Variants in TYW1B observed in about 807,000 individuals in gnomAD.
TYW1B encodes S-adenosyl-L-methionine-dependent tRNA 4-demethylwyosine synthase TYW1B.
A neutral mutation model predicts 86.9 loss-of-function variants in TYW1B; 73 were observed. That is an observed-to-expected ratio of 0.84 (90% CI 0.70 to 1.02). The LOEUF (loss-of-function observed/expected upper bound fraction) is 1.02. TYW1B is among the 50% of genes least tolerant of loss of function. TYW1B has a pLI of 0.00. For missense variants in TYW1B, 637 were observed against 827.4 expected, an observed-to-expected ratio of 0.77 and a Z score of 2.82; for synonymous variants, 248 against 292.8, an observed-to-expected ratio of 0.85 and a Z score of 1.56.
intron 6 of TYW1B, among the ~76,000 whole-genome samples, chr7:72,783,785 G>C (rs1386833470): frequency 2.4e-4 from 37 of 152,324 alleles, no homozygotes; most frequent in African/African-American, 8.2e-4. Flanking sequence ...GGGACTCATT[G>C]TTAAGTGCTC....
At chr7:72,666,512 A>T (rs1813466098) in intron 11 of TYW1B, among the ~76,000 whole-genome samples, 1 of 152,192 alleles carries the variant, frequency 6.6e-6, no homozygotes, top group Admixed American at 6.5e-5. Flanking sequence ...AGTGGGCAGC[A>T]GGAAGGCATT....
intron 11 of TYW1B, among the ~76,000 whole-genome samples, chr7:72,640,752 C>G (rs1554441394): frequency 6.6e-6 from 1 of 152,070 alleles, no homozygotes; most frequent in African/African-American, 2.4e-5. Context: ...ACACATCTCT[C>G]TCAGTAACCA....
At chr7:72,675,465 G>A (rs1554447215) in intron 11 of TYW1B, among the ~76,000 whole-genome samples, 1 of 151,074 alleles carries the variant, frequency 6.6e-6, no homozygotes, top group African/African-American at 2.4e-5. Flanking sequence ...AACTGGAAAA[G>A]GACAACTACA....
chr7:72,810,483 G>A lies in TYW1B; in HGVS notation c.420C>T (p.Ser140=), dbSNP rs1788587121. Residue 140 remains serine (S), a synonymous_variant, in exon 4 of 14, where the codon AGC becomes AGT. Transcript: ENST00000620995. ...VFGLGNSAYA[S]HFNKVGKNVD... Reference sequence around the variant, plus strand: ...AATATAGACCTACCTTGTTGAAGTGGCTAGCATAGGCAGAATTTCCCAGGC... The same window carrying A: ...AATATAGACCTACCTTGTTGAAGTGACTAGCATAGGCAGAATTTCCCAGGC... 1.2e-6 allele frequency: 2 copies of A among 1,612,782 alleles called. No individual in the cohort carries two copies. The highest frequency in any genetic ancestry group is 1.7e-6 in the Non-Finnish European group (2 of 1,179,398).
chr7:72,632,285 G>GTATATATA (rs1239640717), intron 11 of TYW1B, among the ~76,000 whole-genome samples: 9 of 83,544 alleles, frequency 1.1e-4, no homozygotes, highest in African/African-American at 4.3e-4. Flanking sequence ...ATATATACGT[G>GTATATATA]TATATATATA....
intron 11 of TYW1B, 148 bp from the exon 12 acceptor site, chr7:72,629,145 A>G (rs1467947561): frequency 1.7e-6 from 1 of 593,604 alleles, no homozygotes; most frequent in Non-Finnish European, 3.0e-6. Context: ...TATTTTGAGG[A>G]AAGATGAAAC....
chr7:72,627,507 T>G lies in TYW1B; in HGVS notation c.1617+1380A>C, dbSNP rs1257874934. The stretch of plus-strand genomic sequence containing the variant: ...TAACATAACATAACATAACATAACA[T>G]AACATAAATAAAATAAAATAAAATA... On this transcript the variant is annotated intron_variant, in intron 12 of 13. Coordinates refer to ENST00000620995, the MANE Select transcript of TYW1B (RefSeq NM_001145440.3). Among the ~76,000 whole-genome samples, 3 of 146,870 alleles carry G rather than the reference T, an allele frequency of 2.0e-5. No homozygotes were observed. The Admixed American group carries it at 2.1e-4, about 10-fold the overall frequency.
intron 11 of TYW1B, among the ~76,000 whole-genome samples, chr7:72,654,834 T>C (rs1358634997): frequency 2.0e-5 from 3 of 152,096 alleles, no homozygotes; most frequent in African/African-American, 7.2e-5. Context: ...TGAGCCGAGA[T>C]TGTGCCATTG....
At chr7:72,635,034 A>G (rs3110836) in intron 11 of TYW1B, among the ~76,000 whole-genome samples, 12 of 148,170 alleles carry the variant, frequency 8.1e-5, no homozygotes, top group South Asian at 2.2e-4. Context: ...AGTGTTTCTT[A>G]TGTCTCTTTA....
At chr7:72,713,385 T>G (rs1351549898) in intron 10 of TYW1B, among the ~76,000 whole-genome samples, 3 of 151,294 alleles carry the variant, frequency 2.0e-5, no homozygotes, top group Non-Finnish European at 4.4e-5. Context: ...AAAAAAAAAT[T>G]CATTCTCTTT....
chr7:72,756,601 T>A (rs1172386285), intron 7 of TYW1B, among the ~76,000 whole-genome samples: 1 of 152,078 alleles, frequency 6.6e-6, no homozygotes, highest in African/African-American at 2.4e-5. Context: ...GGAATCTTGC[T>A]AGGGCAGAAC....
rs1197060822 is a variant in TYW1B at position 72,628,895 on chromosome 7, C to T, written c.1609G>A (p.Glu537Lys). Residue 537 changes from glutamate (E) to lysine (K), a missense_variant, in exon 12 of 14, where the codon GAA (glutamate) becomes AAA (lysine). Transcript: ENST00000620995. Reference protein sequence around the residue: ...LVSLGNPDFIEVKGVTYCRES... With the variant: ...LVSLGNPDFIKVKGVTYCRES... ...AGTCAGCAGGGGCTTACCTTCACTT[C>T]GATGAAGTCAGGATTCCCCAGGGAC... is the stretch of plus-strand genomic sequence containing the variant. The T allele has an allele frequency of 1.5e-5, 24 of 1,586,710 alleles. No homozygotes were observed. The East Asian group carries it at 2.3e-4, about 15-fold the overall frequency.
At chr7:72,825,231 G>A (rs1464841011) in intron 2 of TYW1B, among the ~76,000 whole-genome samples, 4 of 151,930 alleles carry the variant, frequency 2.6e-5, no homozygotes, top group Non-Finnish European at 5.9e-5. Flanking sequence ...ATAAGCAACT[G>A]AAGCTTAGAT....
intron 10 of TYW1B, among the ~76,000 whole-genome samples, chr7:72,712,002 C>T (rs1198432644): frequency 3.3e-5 from 5 of 152,056 alleles, no homozygotes; most frequent in Non-Finnish European, 5.9e-5. Flanking sequence ...CAATACATAA[C>T]AGATGAGTAA....
rs116376376 is a variant in TYW1B, at chr7:72,764,163, G to A, written c.964+13253C>T. ...TCCTTGTCAACTGGGAAATTTCATC[G>A]GATCTTAACCATGGCTTTCCTAAGT... is the stretch of plus-strand genomic sequence containing the variant. On this transcript the variant is annotated intron_variant, in intron 7 of 13. Coordinates refer to ENST00000620995, the MANE Select transcript of TYW1B (RefSeq NM_001145440.3). 7.2e-3 allele frequency among the ~76,000 whole-genome samples: 1,089 copies of A among 152,166 alleles called. 19 individuals are homozygous for A. The highest frequency in any genetic ancestry group is 0.025 in the African/African-American group (1,057 of 41,512).
At chr7:72,811,931 A>C (rs1297487919) in intron 3 of TYW1B, among the ~76,000 whole-genome samples, 2 of 149,392 alleles carry the variant, frequency 1.3e-5, no homozygotes, top group African/African-American at 4.9e-5. Flanking sequence ...AAAAAAAAAA[A>C]AAAAGGAAAA....
intron 7 of TYW1B, among the ~76,000 whole-genome samples, chr7:72,750,697 G>A (rs1563081663): frequency 6.6e-6 from 1 of 152,186 alleles, no homozygotes; most frequent in East Asian, 1.9e-4. Context: ...CAACTCTGAT[G>A]ACATAAATAT....
In TYW1B at chr7:72,574,582, A is replaced by C. The variant is rs1810975464; in HGVS notation, c.*916T>G. 6.1e-6 allele frequency: 6 copies of C among 985,330 alleles called. No homozygotes were observed. Among genetic ancestry groups the C allele is most frequent in the Non-Finnish European group, 7.2e-6 (6 of 829,820 alleles). 61.0% of individuals were successfully genotyped at this position (985,330 alleles called of 1,614,324 possible). The stretch of plus-strand genomic sequence containing the variant: ...ACTGTTAAAAGAATTTGCTAACTTG[A>C]AAACAATTTTGAGTATTTATGATCT... On this transcript the variant is annotated 3_prime_UTR_variant, in exon 14 of 14. Coordinates refer to ENST00000620995, the MANE Select transcript of TYW1B (RefSeq NM_001145440.3).
chr7:72,683,434 G>C (rs1813927347), intron 11 of TYW1B, among the ~76,000 whole-genome samples: 1 of 152,142 alleles, frequency 6.6e-6, no homozygotes, highest in African/African-American at 2.4e-5. Context: ...GTGGAGCATG[G>C]TGGCAGGTGC....
Sources: gnomAD v4.1 joint callset for allele counts (sites outside exome capture counted in the v4.1 genomes callset) on GRCh38, gnomAD v4.1.1 for gene constraint, MANE v1.5 for transcripts, NCBI Gene and HGNC (gene_info 2026-07-23, HGNC 2026-07-21) for gene names.